Variants in NDUFS5 observed in about 807,000 individuals in gnomAD.
NDUFS5 encodes the protein NADH dehydrogenase [ubiquinone] iron-sulfur protein 5.
NDUFS5 carries 7 observed loss-of-function variants against 10.5 expected under a neutral mutation model. The ratio of observed to expected loss-of-function variants is 0.66; its 90% CI spans 0.38 to 1.25. The LOEUF is 1.25. NDUFS5 is among the 50% of genes most tolerant of loss of function. NDUFS5 has a pLI of 0.02. For synonymous variants in NDUFS5, 38 were observed against 44.0 expected (o/e 0.86, Z 0.54); for missense variants, 148 against 140.7 (o/e 1.05, Z -0.26).
intron 2 of NDUFS5, among the ~76,000 whole-genome samples, chr1:39,031,814 A>G (rs1407039615): frequency 2.0e-5 from 3 of 152,200 alleles, no homozygotes; most frequent in Admixed American, 6.6e-5. Flanking sequence ...ATCAAGTCCT[A>G]TTGTAAGTTC....
intron 2 of NDUFS5, among the ~76,000 whole-genome samples, chr1:39,032,966 A>T (rs1410494840): frequency 2.0e-5 from 3 of 152,200 alleles, no homozygotes; most frequent in African/African-American, 7.2e-5. Flanking sequence ...TTTTTGTCTC[A>T]GTAAGATAGC....
At chr1:39,033,491 C>T (rs1384099495) in intron 2 of NDUFS5, among the ~76,000 whole-genome samples, 12 of 149,748 alleles carry the variant, frequency 8.0e-5, no homozygotes, top group South Asian at 2.2e-4. Context: ...GAGAATGGCG[C>T]GAACCCAGGA....
rs760373747 is a variant in NDUFS5 at position 39,027,581 on chromosome 1, G to GTTTTTTTTTTTTTTTTTTT, written c.-2-1127_-2-1126insTTTTTTTTTTTTTTTTTTT. On this transcript the variant is annotated intron_variant, in intron 1 of 2. Transcript: ENST00000372969. Reference sequence around the variant, plus strand: ...GTCTTAACCCATTTCTTTCGCTCTGGTTTTTTTTTTTTTTTGAGACAGGAT... The same window carrying GTTTTTTTTTTTTTTTTTTT: ...GTCTTAACCCATTTCTTTCGCTCTGGTTTTTTTTTTTTTTTTTTTTTTTTTTTTTTTTTTGAGACAGGAT... 9.5e-4 allele frequency among the ~76,000 whole-genome samples: 87 copies of GTTTTTTTTTTTTTTTTTTT among 91,144 alleles called. 13 individuals carry two copies. Among genetic ancestry groups the GTTTTTTTTTTTTTTTTTTT allele is most frequent in the Non-Finnish European group, 1.1e-3 (51 of 45,270 alleles). 59.8% of individuals were successfully genotyped at this position (91,144 alleles called of 152,430 possible).
intron 2 of NDUFS5, among the ~76,000 whole-genome samples, chr1:39,031,807 A>T (rs1011243730): frequency 1.3e-5 from 2 of 152,204 alleles, no homozygotes; most frequent in Non-Finnish European, 2.9e-5. Flanking sequence ...AATTAGAATC[A>T]AGTCCTATTG....
chr1:39,026,913 G>GA (rs913686180), intron 1 of NDUFS5, among the ~76,000 whole-genome samples: 2 of 152,176 alleles, frequency 1.3e-5, no homozygotes, highest in Non-Finnish European at 2.9e-5. Flanking sequence ...TTCCTCCTTC[G>GA]AGCTCTTACC....
intron 2 of NDUFS5, among the ~76,000 whole-genome samples, chr1:39,029,537 AT>A (rs1644176036): frequency 6.6e-6 from 1 of 152,008 alleles, no homozygotes; most frequent in Non-Finnish European, 1.5e-5. Context: ...GTGTATACCC[AT>A]TTTTTCAGTT....
At chr1:39,027,518 AT>A (rs1247665395) in intron 1 of NDUFS5, among the ~76,000 whole-genome samples, 7 of 146,294 alleles carry the variant, frequency 4.8e-5, no homozygotes, top group African/African-American at 1.8e-4. Flanking sequence ...TTGCATGTAA[AT>A]TTTTTTCCCT....
At chr1:39,032,638 A>G (rs1050353580) in intron 2 of NDUFS5, among the ~76,000 whole-genome samples, 1 of 152,128 alleles carries the variant, frequency 6.6e-6, no homozygotes, top group Non-Finnish European at 1.5e-5. Context: ...AGCTTATGCT[A>G]TAGTGGGAGG....
chr1:39,029,817 G>C (rs1400433390), intron 2 of NDUFS5, among the ~76,000 whole-genome samples: 1 of 152,202 alleles, frequency 6.6e-6, no homozygotes, highest in Non-Finnish European at 1.5e-5. Flanking sequence ...AGTTGGCCAG[G>C]CACGGTGGCT....
At chr1:39,027,433 G>C (rs775154530) in intron 1 of NDUFS5, among the ~76,000 whole-genome samples, 1 of 152,016 alleles carries the variant, frequency 6.6e-6, no homozygotes, top group African/African-American at 2.4e-5. Context: ...GTGTGCGCGC[G>C]CTTCCTTTCA....
chr1:39,027,581 G>GTTTTTTTT (rs760373747), intron 1 of NDUFS5, among the ~76,000 whole-genome samples: 7 of 91,134 alleles, frequency 7.7e-5, no homozygotes, highest in South Asian at 6.3e-4. Context: ...TTTCGCTCTG[G>GTTTTTTTT]TTTTTTTTTT....
intron 1 of NDUFS5, among the ~76,000 whole-genome samples, chr1:39,028,116 G>A (rs1272645302): frequency 6.9e-6 from 1 of 144,300 alleles, no homozygotes; most frequent in Non-Finnish European, 1.5e-5. Flanking sequence ...CACCGCGCCT[G>A]GCCCACAAGT....
At chr1:39,031,695 C>A (rs987595768) in intron 2 of NDUFS5, among the ~76,000 whole-genome samples, 3 of 152,168 alleles carry the variant, frequency 2.0e-5, no homozygotes, top group African/African-American at 7.2e-5. Flanking sequence ...GCTCTAAGGT[C>A]ACTTCCTAAT....
intron 2 of NDUFS5, among the ~76,000 whole-genome samples, chr1:39,030,639 G>A (rs1402220585): frequency 6.7e-6 from 1 of 150,268 alleles, no homozygotes; most frequent in African/African-American, 2.5e-5. Flanking sequence ...AGAATGGCAT[G>A]AACCCGGGAG....
chr1:39,030,337 A>T (rs1421727774), intron 2 of NDUFS5, among the ~76,000 whole-genome samples: 2 of 150,162 alleles, frequency 1.3e-5, no homozygotes, highest in Non-Finnish European at 3.0e-5. Flanking sequence ...ACTGAGAGGC[A>T]GAGGTTCCAG....
At chr1:39,031,959 C>G (rs1213009729) in intron 2 of NDUFS5, among the ~76,000 whole-genome samples, 1 of 152,018 alleles carries the variant, frequency 6.6e-6, no homozygotes, top group Non-Finnish European at 1.5e-5. Flanking sequence ...GAGTTCAAGA[C>G]CAGCCTGACC....
chr1:39,027,937 C>T (rs1644163457), intron 1 of NDUFS5, among the ~76,000 whole-genome samples: 1 of 147,706 alleles, frequency 6.8e-6, no homozygotes, highest in Non-Finnish European at 1.5e-5. Flanking sequence ...CCTGTCTCAG[C>T]CTCCCGAATA....
chr1:39,029,883 G>C (rs1257331196), intron 2 of NDUFS5, among the ~76,000 whole-genome samples: 1 of 152,126 alleles, frequency 6.6e-6, no homozygotes, highest in Non-Finnish European at 1.5e-5. Context: ...ACGAGGTCAG[G>C]AGTTTGAGAC....
At chr1:39,034,125 G>C (rs2148085437) in intron 2 of NDUFS5, among the ~76,000 whole-genome samples, 1 of 152,162 alleles carries the variant, frequency 6.6e-6, no homozygotes, top group Middle Eastern at 3.4e-3. Context: ...GCCTCTTAAA[G>C]GTTTTTGCAA....
Sources: gnomAD v4.1 joint callset for allele counts (sites outside exome capture counted in the v4.1 genomes callset) on GRCh38, gnomAD v4.1.1 for gene constraint, MANE v1.5 for transcripts, NCBI Gene and HGNC (gene_info 2026-07-23, HGNC 2026-07-21) for gene names.